The following ZBTB20 variants were observed in gnomAD, a reference collection of about 807,000 sequenced individuals.
The protein encoded by ZBTB20 is zinc finger and BTB domain-containing protein 20.
ZBTB20 carries 9 observed loss-of-function variants against 56.9 expected under a neutral mutation model. The ratio of observed to expected loss-of-function variants is 0.16; its 90% CI spans 0.10 to 0.28. ZBTB20 has a LOEUF of 0.28. ZBTB20 is among the 10% of genes least tolerant of loss of function. The probability of loss-of-function intolerance (pLI) is 1.00; values close to 1 mark genes in which losing one functional copy is unlikely to be tolerated. For missense variants in ZBTB20, 655 were observed against 1,003.0 expected (o/e 0.65, Z 4.69); for synonymous variants, 417 against 420.7 (o/e 0.99, Z 0.11).
chr3:114,853,437 T>G (rs2075098860), intron 4 of ZBTB20, among the ~76,000 whole-genome samples: 1 of 152,250 alleles, frequency 6.6e-6, no homozygotes, highest in Non-Finnish European at 1.5e-5. Context: ...ATTTAATTGT[T>G]TGTTGCACAG....
intron 6 of ZBTB20, among the ~76,000 whole-genome samples, chr3:114,543,446 T>C (rs1475852589): frequency 6.6e-6 from 1 of 152,202 alleles, no homozygotes; most frequent in Non-Finnish European, 1.5e-5. Context: ...ACCAATAAGC[T>C]GCATTATCAC....
At chr3:114,658,149 T>A (rs1182029600) in intron 6 of ZBTB20, among the ~76,000 whole-genome samples, 1 of 152,200 alleles carries the variant, frequency 6.6e-6, no homozygotes, top group Admixed American at 6.5e-5. Context: ...TATAATTAAA[T>A]TTAGCAGAAT....
intron 4 of ZBTB20, among the ~76,000 whole-genome samples, chr3:114,842,611 T>C (rs1447942812): frequency 6.6e-6 from 1 of 152,138 alleles, no homozygotes; most frequent in Non-Finnish European, 1.5e-5. Flanking sequence ...ATACCTAACC[T>C]ACACTGAAGA....
At chr3:114,573,783 C>T (rs903686761) in intron 6 of ZBTB20, among the ~76,000 whole-genome samples, 3 of 152,014 alleles carry the variant, frequency 2.0e-5, no homozygotes, top group South Asian at 2.1e-4. Context: ...TACATGTATT[C>T]TTTTCTAAGT....
At chr3:115,128,192 G>T (rs2084389686) in intron 1 of ZBTB20, among the ~76,000 whole-genome samples, 1 of 152,176 alleles carries the variant, frequency 6.6e-6, no homozygotes, top group South Asian at 2.1e-4. Flanking sequence ...TTAAAAATAT[G>T]TCTATCTCAA....
intron 6 of ZBTB20, among the ~76,000 whole-genome samples, chr3:114,513,384 A>G (rs2045624879): frequency 6.6e-6 from 1 of 152,218 alleles, no homozygotes; most frequent in Admixed American, 6.5e-5. Flanking sequence ...TTCAACATGT[A>G]GTTTACCTAT....
At chr3:114,396,229 T>C (rs1262430711) in intron 7 of ZBTB20, among the ~76,000 whole-genome samples, 3 of 152,188 alleles carry the variant, frequency 2.0e-5, no homozygotes, top group African/African-American at 7.2e-5. Flanking sequence ...GAGTTTCCTA[T>C]ACCTTACCTC....
chr3:115,090,286 G>A (rs1055968119), intron 1 of ZBTB20, among the ~76,000 whole-genome samples: 28 of 151,816 alleles, frequency 1.8e-4, no homozygotes, highest in African/African-American at 5.5e-4. Context: ...ACAAAAATCC[G>A]AAGAATATCT....
intron 4 of ZBTB20, among the ~76,000 whole-genome samples, chr3:114,843,863 T>A (rs1465697127): frequency 6.6e-6 from 1 of 151,702 alleles, no homozygotes; most frequent in Non-Finnish European, 1.5e-5. Flanking sequence ...TTTTTTGTAT[T>A]TTGAGTAGAG....
chr3:115,009,674 T>C (rs1282571968), intron 2 of ZBTB20, among the ~76,000 whole-genome samples: 5 of 151,858 alleles, frequency 3.3e-5, no homozygotes, highest in African/African-American at 1.2e-4. Context: ...GATGATTAGG[T>C]CATGAGGGCT....
At chr3:115,042,697 AT>A (rs1255025628) in intron 2 of ZBTB20, among the ~76,000 whole-genome samples, 1 of 152,236 alleles carries the variant, frequency 6.6e-6, no homozygotes, top group African/African-American at 2.4e-5. Flanking sequence ...TACAAAATGC[AT>A]TTCAGGTTTC....
chr3:114,716,841 G>C (rs1435126385), intron 5 of ZBTB20, among the ~76,000 whole-genome samples: 1 of 152,054 alleles, frequency 6.6e-6, no homozygotes, highest in Non-Finnish European at 1.5e-5. Flanking sequence ...AATATTTATA[G>C]GGGTGGCCAT....
chr3:114,726,752 A>G (rs981775635), intron 5 of ZBTB20, among the ~76,000 whole-genome samples: 22 of 151,918 alleles, frequency 1.4e-4, no homozygotes, highest in Non-Finnish European at 3.1e-4. Flanking sequence ...CTCTACTAAA[A>G]ATACAAAAAT....
intron 4 of ZBTB20, among the ~76,000 whole-genome samples, chr3:114,854,247 AC>A (rs1242788914): frequency 6.6e-6 from 1 of 152,226 alleles, no homozygotes; most frequent in Non-Finnish European, 1.5e-5. Context: ...TTGTATACTA[AC>A]AACTAGAAAA....
intron 7 of ZBTB20, chr3:114,419,047 A>C (rs2088868864): frequency 6.6e-6 from 1 of 152,114 alleles, no homozygotes; most frequent in African/African-American, 2.4e-5. Context: ...CAACAGAATC[A>C]AACTCTGTAA....
At chr3:115,048,111 G>A (rs895643533) in intron 2 of ZBTB20, among the ~76,000 whole-genome samples, 3 of 152,062 alleles carry the variant, frequency 2.0e-5, no homozygotes, top group African/African-American at 7.2e-5. Flanking sequence ...TGTGGTCCCA[G>A]CTACTTGGGA....
At chr3:114,839,451 GAAAGAAAGAAAGAA>G (rs2074276362) in intron 4 of ZBTB20, among the ~76,000 whole-genome samples, 1 of 150,564 alleles carries the variant, frequency 6.6e-6, no homozygotes, top group African/African-American at 2.4e-5. Context: ...AAGAAAGAAA[GAAAGAAAGAAAGAA>G]AGAGAGAGAG....
chr3:114,487,866 G>A (rs2042308166), intron 7 of ZBTB20, among the ~76,000 whole-genome samples: 1 of 152,206 alleles, frequency 6.6e-6, no homozygotes, highest in African/African-American at 2.4e-5. Flanking sequence ...TGATGACATG[G>A]CCTCTAGCAC....
chr3:114,429,135 T>G (rs2089935334), intron 7 of ZBTB20, among the ~76,000 whole-genome samples: 1 of 152,190 alleles, frequency 6.6e-6, no homozygotes, highest in Admixed American at 6.5e-5. Context: ...GATTCATTTG[T>G]TCAGTGAACA....
Sources: allele counts gnomAD v4.1 joint callset (sites outside exome capture counted in the v4.1 genomes callset), GRCh38; gene constraint gnomAD v4.1.1; transcripts MANE v1.5; gene names NCBI Gene and HGNC (gene_info 2026-07-23, HGNC 2026-07-21).